Variants in BBS9 observed in about 807,000 individuals in gnomAD.
BBS9 encodes Bardet-Biedl syndrome 9.
In BBS9, 89 loss-of-function variants were observed where a neutral mutation model predicts 117.7. The ratio of observed to expected loss-of-function variants is 0.76; its 90% confidence interval spans 0.64 to 0.90. BBS9 has a LOEUF of 0.90. Ranked by LOEUF, BBS9 falls within the 40% of genes least tolerant of loss-of-function variation. The pLI, the probability that BBS9 is intolerant of heterozygous loss-of-function variation, is 0.00. For missense variants in BBS9, 982 were observed against 1,042.2 expected, an observed-to-expected ratio of 0.94 and a Z score of 0.80; for synonymous variants, 379 against 370.9, an observed-to-expected ratio of 1.02 and a Z score of -0.25.
At chr7:33,598,380 T>G (rs188630407) in intron 21 of BBS9, among the ~76,000 whole-genome samples, 5 of 152,220 alleles carry the variant, frequency 3.3e-5, no homozygotes, top group Admixed American at 3.3e-4. Flanking sequence ...TGTGAGAAAT[T>G]ATCATGACCA....
At chr7:33,511,494 GTTTCT>G (rs1459897337) in intron 20 of BBS9, among the ~76,000 whole-genome samples, 3 of 152,040 alleles carry the variant, frequency 2.0e-5, no homozygotes, top group Non-Finnish European at 4.4e-5. Flanking sequence ...CATTATGCCT[GTTTCT>G]TTTCTTTTAA....
intron 21 of BBS9, among the ~76,000 whole-genome samples, chr7:33,578,317 G>A (rs1177481420): frequency 6.6e-6 from 1 of 152,166 alleles, no homozygotes; most frequent in Non-Finnish European, 1.5e-5. Context: ...AAATGAGTAA[G>A]CTGGACTCCT....
chr7:33,343,181 C>T (rs756216485), intron 11 of BBS9, among the ~76,000 whole-genome samples: 8 of 152,008 alleles, frequency 5.3e-5, no homozygotes, highest in East Asian at 1.9e-4. Flanking sequence ...AGTAAAAAAA[C>T]GCAATGGATC....
intron 9 of BBS9, among the ~76,000 whole-genome samples, chr7:33,334,968 G>A (rs1814993356): frequency 6.6e-6 from 1 of 152,170 alleles, no homozygotes; most frequent in African/African-American, 2.4e-5. Flanking sequence ...GGAATGTTGT[G>A]TTTAAGGCAG....
rs143056071 is a variant in BBS9, at chr7:33,328,263, C to G, written c.1017-8178C>G. Among the ~76,000 whole-genome samples the G allele has an allele frequency of 6.6e-4, 101 of 152,360 alleles. No individual in the cohort carries two copies. In the East Asian group the frequency reaches 0.011, roughly 17 times the overall value. ...CTCTCATGCAGGCCCATTGCACTCT[C>G]TTCTTACTGTGCTCTATCTACTACA... On this transcript the variant is annotated intron_variant, in intron 9 of 22. Coordinates refer to ENST00000242067, the MANE Select transcript of BBS9 (RefSeq NM_198428.3).
At chr7:33,472,826 T>C (rs978743733) in intron 19 of BBS9, among the ~76,000 whole-genome samples, 1 of 152,254 alleles carries the variant, frequency 6.6e-6, no homozygotes, top group African/African-American at 2.4e-5. Context: ...ACTTTATTGT[T>C]TGTGGAACTT....
intron 4 of BBS9, among the ~76,000 whole-genome samples, chr7:33,161,660 G>T (rs1421842645): frequency 1.3e-5 from 2 of 152,150 alleles, no homozygotes; most frequent in Non-Finnish European, 1.5e-5. Flanking sequence ...TGGGTTAAAT[G>T]GTATTTCTGG....
intron 20 of BBS9, 50 bp from the exon 21 acceptor site, chr7:33,533,903 CT>C (rs1461658036): frequency 5.0e-6 from 8 of 1,593,126 alleles, no homozygotes; most frequent in Admixed American, 1.7e-5. Flanking sequence ...CAAGTGCCCA[CT>C]TTTCTTATTG....
At chr7:33,181,662 TG>T (rs1225805316) in intron 5 of BBS9, among the ~76,000 whole-genome samples, 44 of 152,356 alleles carry the variant, frequency 2.9e-4, no homozygotes, top group African/African-American at 9.1e-4. Flanking sequence ...GTTCAATTTA[TG>T]GAAAAATGGA....
chr7:33,431,013 A>G (rs529813446), intron 19 of BBS9, among the ~76,000 whole-genome samples: 1 of 148,624 alleles, frequency 6.7e-6, no homozygotes, highest in Non-Finnish European at 1.5e-5. Flanking sequence ...GCATGGTGAA[A>G]CCCTGTCTCT....
chr7:33,469,246 G>C (rs1204121383), intron 19 of BBS9, among the ~76,000 whole-genome samples: 1 of 152,142 alleles, frequency 6.6e-6, no homozygotes, highest in African/African-American at 2.4e-5. Flanking sequence ...AGTGCAATGA[G>C]ATAAAAGATT....
intron 9 of BBS9, among the ~76,000 whole-genome samples, chr7:33,291,888 T>C (rs549775005): frequency 3.1e-4 from 47 of 152,340 alleles, no homozygotes; most frequent in African/African-American, 1.1e-3. Flanking sequence ...ACTGGAGTCC[T>C]GTGGTGTGTA....
chr7:33,397,389 G>A (rs2128780045), intron 19 of BBS9, among the ~76,000 whole-genome samples: 1 of 152,244 alleles, frequency 6.6e-6, no homozygotes, highest in Middle Eastern at 3.4e-3. Context: ...ATTTAGTTCA[G>A]CCTTGTGGAA....
intron 17 of BBS9, among the ~76,000 whole-genome samples, chr7:33,382,754 T>C (rs1039560304): frequency 1.3e-5 from 2 of 152,158 alleles, no homozygotes; most frequent in Non-Finnish European, 2.9e-5. Flanking sequence ...CTGGTGCAGA[T>C]TGAGCTCCCA....
intron 21 of BBS9, among the ~76,000 whole-genome samples, chr7:33,614,775 C>A (rs959368103): frequency 6.6e-6 from 1 of 152,048 alleles, no homozygotes; most frequent in African/African-American, 2.4e-5. Flanking sequence ...GGAGCTTGAC[C>A]ATGTTCTGAA....
chr7:33,404,592 T>A (rs1472093054), intron 19 of BBS9, among the ~76,000 whole-genome samples: 1 of 151,798 alleles, frequency 6.6e-6, no homozygotes, highest in Admixed American at 6.6e-5. Context: ...AAGTATTTTA[T>A]TCTCTTTGAA....
At chr7:33,189,698 C>T (rs562765169) in intron 5 of BBS9, among the ~76,000 whole-genome samples, 40 of 151,382 alleles carry the variant, frequency 2.6e-4, no homozygotes, top group South Asian at 1.7e-3. Flanking sequence ...CCATCCTGGC[C>T]AACATGGTGA....
chr7:33,398,973 C>T (rs1828474030), intron 19 of BBS9, among the ~76,000 whole-genome samples: 1 of 152,176 alleles, frequency 6.6e-6, no homozygotes, highest in African/African-American at 2.4e-5. Context: ...CCACTGTGCT[C>T]AGCCCAACAA....
At chr7:33,248,338 G>A (rs79089943) in intron 5 of BBS9, among the ~76,000 whole-genome samples, 1,906 of 152,168 alleles carry the variant, frequency 0.013, 37 homozygotes, top group African/African-American at 0.043. Flanking sequence ...ATTGGATATT[G>A]CATTATTATT....
Sources: allele counts gnomAD v4.1 joint callset (sites outside exome capture counted in the v4.1 genomes callset), GRCh38; gene constraint gnomAD v4.1.1; transcripts MANE v1.5; gene names NCBI Gene and HGNC (gene_info 2026-07-23, HGNC 2026-07-21).